Variants in FMO3 observed in about 807,000 individuals in gnomAD.
FMO3 encodes flavin-containing monooxygenase 3.
FMO3 carries 40 observed loss-of-function variants against 39.4 expected under a neutral mutation model. That is an observed-to-expected ratio of 1.02 (90% confidence interval 0.79 to 1.32). FMO3 has a LOEUF of 1.32. FMO3 is among the 40% of genes most tolerant of loss of function. The pLI is 0.00. For missense variants in FMO3, 680 were observed against 651.8 expected (o/e 1.04, Z -0.47); for synonymous variants, 219 against 228.8 (o/e 0.96, Z 0.39).
At chr1:171,111,857 T>C (rs1655928348) in intron 6 of FMO3, among the ~76,000 whole-genome samples, 1 of 152,124 alleles carries the variant, frequency 6.6e-6, no homozygotes, top group South Asian at 2.1e-4. Context: ...GAACCTACAT[T>C]CTAAGTGGTG....
chr1:171,096,479 T>A (rs1655067003), intron 2 of FMO3, among the ~76,000 whole-genome samples: 1 of 106,144 alleles, frequency 9.4e-6, no homozygotes, highest in Non-Finnish European at 1.7e-5. Context: ...TAATATATTT[T>A]ATATATTAAA....
chr1:171,092,332 G>A (rs140245587), intron 1 of FMO3, among the ~76,000 whole-genome samples: 33 of 152,166 alleles, frequency 2.2e-4, no homozygotes, highest in African/African-American at 6.7e-4. Context: ...TGATCCTACC[G>A]CCTCAGCCTC....
In FMO3 at chr1:171,114,374, A is replaced by G. The variant is rs1158459323; in HGVS notation, c.1183+12A>G. ...ACAAGTAATAAAGGGTAAGTCAATAAAGAGGCTCATGGATTGCGAAGATGA... is the reference window on the plus strand; with the variant it reads ...ACAAGTAATAAAGGGTAAGTCAATAGAGAGGCTCATGGATTGCGAAGATGA... On this transcript the variant is annotated intron_variant, in intron 7 of 8. Coordinates refer to ENST00000367755, the MANE Select transcript of FMO3 (RefSeq NM_001002294.3). 2.0e-5 allele frequency: 31 copies of G among 1,582,202 alleles called. No individual in the cohort carries two copies. The highest frequency in any genetic ancestry group is 2.7e-5 in the African/African-American group (2 of 74,316).
intron 2 of FMO3, among the ~76,000 whole-genome samples, chr1:171,102,377 TGCTTCAACAG>T (rs1655438087): frequency 2.6e-5 from 4 of 152,202 alleles, no homozygotes; most frequent in Non-Finnish European, 5.9e-5. Flanking sequence ...AGTACCTTGA[TGCTTCAACAG>T]AGCTAAACCA....
chr1:171,114,424 C>A (rs1656056578), intron 7 of FMO3, 62 bp downstream of exon 7: 7 of 1,239,900 alleles, frequency 5.6e-6, no homozygotes, highest in African/African-American at 1.5e-5. Context: ...AACTTTGGAT[C>A]TTTGTGAAAA....
intron 2 of FMO3, among the ~76,000 whole-genome samples, chr1:171,096,869 C>T (rs938855676): frequency 1.3e-5 from 2 of 150,266 alleles, no homozygotes; most frequent in Non-Finnish European, 3.0e-5. Flanking sequence ...ATACATGTGC[C>T]ATGTTGGTGT....
chr1:171,108,045 T>C (rs1369514838), intron 4 of FMO3, 34 bp from the exon 5 acceptor site: 7 of 1,610,820 alleles, frequency 4.3e-6, no homozygotes, highest in Non-Finnish European at 5.9e-6. Context: ...AATATATGAC[T>C]CAAACTGCCA....
At chr1:171,096,477 T>G (rs1401502069) in intron 2 of FMO3, among the ~76,000 whole-genome samples, 2 of 103,094 alleles carry the variant, frequency 1.9e-5, no homozygotes, top group East Asian at 7.1e-4. Flanking sequence ...CATAATATAT[T>G]TTATATATTA....
At chr1:171,111,051 A>T in intron 6 of FMO3, 54 bp downstream of exon 6, 1 of 1,403,918 alleles carries the variant, frequency 7.1e-7, no homozygotes, top group South Asian at 1.2e-5. Flanking sequence ...AGTGTCAACA[A>T]CCCTTAATGT....
intron 5 of FMO3, among the ~76,000 whole-genome samples, chr1:171,109,526 CTTTTT>C (rs780479699): frequency 6.8e-5 from 4 of 58,998 alleles, no homozygotes; most frequent in Admixed American, 5.5e-4. Context: ...TTAGTCTCTT[CTTTTT>C]TTTTTTTTTT....
chr1:171,116,381 T>A (rs1207567931), intron 8 of FMO3, 101 bp downstream of exon 8: 16 of 686,050 alleles, frequency 2.3e-5, no homozygotes, highest in Non-Finnish European at 2.3e-5. Context: ...CTGAATGACA[T>A]CATTGGAATG....
chr1:171,097,080 G>A (rs1655134902), intron 2 of FMO3, among the ~76,000 whole-genome samples: 1 of 150,092 alleles, frequency 6.7e-6, no homozygotes, highest in African/African-American at 2.5e-5. Context: ...TGAGAATGAT[G>A]GTTTCCAGCT....
Position 171,110,882 on chromosome 1 carries a change from C to A in FMO3, c.712C>A (p.Arg238=), listed in dbSNP as rs893223321. 13 of 1,613,858 alleles carry A rather than the reference C, an allele frequency of 8.1e-6. No individual in the cohort carries two copies. Among genetic ancestry groups the A allele is most frequent in the Non-Finnish European group, 1.0e-5 (12 of 1,179,926 alleles). The part of the protein sequence containing the change: ...GYPWDMLLVT[R]FGTFLKNNLP... ...TCCTTGGGACATGCTGCTCGTCACT[C>A]GATTTGGAACCTTCCTCAAGAACAA... Residue 238 remains arginine (R), a synonymous_variant, in exon 6 of 9, where the codon CGA becomes AGA. Transcript: ENST00000367755.
intron 3 of FMO3, among the ~76,000 whole-genome samples, chr1:171,105,162 C>T (rs1655585406): frequency 6.6e-6 from 1 of 152,042 alleles, no homozygotes; most frequent in African/African-American, 2.4e-5. Flanking sequence ...TAAAAATCTT[C>T]CCATAAAGAA....
intron 3 of FMO3, among the ~76,000 whole-genome samples, chr1:171,106,968 A>T (rs1655667696): frequency 6.6e-6 from 1 of 152,204 alleles, no homozygotes. Flanking sequence ...AACTAACAAA[A>T]ATGTAACATA....
chr1:171,108,326 T>G, intron 5 of FMO3, 105 bp downstream of exon 5: 2 of 1,351,092 alleles, frequency 1.5e-6, no homozygotes, highest in South Asian at 2.5e-5. Flanking sequence ...GGGTATCTGA[T>G]GTAAAGACTA....
intron 3 of FMO3, among the ~76,000 whole-genome samples, chr1:171,106,323 A>G (rs28363541): frequency 0.14 from 21,864 of 152,016 alleles, 1,989 homozygotes; most frequent in Non-Finnish European, 0.2. Context: ...TATTTTTAGT[A>G]GAGATGGGGT....
intron 2 of FMO3, among the ~76,000 whole-genome samples, chr1:171,096,024 T>TAATATATAATATATATTATATATA (rs1355230655): frequency 1.7e-4 from 8 of 46,330 alleles, no homozygotes; most frequent in African/African-American, 5.1e-4. Flanking sequence ...TATTATATAT[T>TAATATATAATATATATTATATATA]AATATATAAT....
chr1:171,103,825 T>C lies in FMO3; in HGVS notation c.173T>C (p.Val58Ala). The C allele has an allele frequency of 1.2e-6, 2 of 1,613,926 alleles. No individual in the cohort carries two copies. Among genetic ancestry groups the C allele is most frequent in the East Asian group, 2.2e-5 (1 of 44,856 alleles). The change falls in exon 3 of 9, where the codon GTC becomes GCC. Residue 58 changes from valine to alanine, a missense_variant. Coordinates refer to ENST00000367755, the MANE Select transcript of FMO3 (RefSeq NM_001002294.3). ...GGCAGGGCTAGCATTTACAAATCAG[T>C]CTTTTCCAACTCTTCCAAAGAGATG... ...EEGRASIYKS[V>A]FSNSSKEMMC...
Sources: allele counts gnomAD v4.1 joint callset (sites outside exome capture counted in the v4.1 genomes callset), GRCh38; gene constraint gnomAD v4.1.1; transcripts MANE v1.5; gene names NCBI Gene and HGNC (gene_info 2026-07-23, HGNC 2026-07-21).